The following CIMIP2A variants were observed in gnomAD, a reference collection of about 807,000 sequenced individuals.
The protein encoded by CIMIP2A is ciliary microtubule inner protein 2A, also known as family with sequence similarity 166 member A.
chr9:137,254,997 C>T, the CIMIP2A span, among the ~76,000 whole-genome samples: 1 of 152,238 alleles, frequency 6.6e-6, no homozygotes, highest in Non-Finnish European at 1.5e-5. Flanking sequence ...GAGCTCAACC[C>T]CCGGCAAAAC....
chr9:137,252,481 G>A, the CIMIP2A span: 29 of 1,596,706 alleles, frequency 1.8e-5, no homozygotes, highest in Admixed American at 8.5e-5. Flanking sequence ...GTTCCAGAGC[G>A]AAAGCCCCTT....
the CIMIP2A span, chr9:137,251,298 T>C: frequency 1.2e-6 from 2 of 1,612,096 alleles, no homozygotes; most frequent in Admixed American, 1.7e-5. Flanking sequence ...TGATGAATTC[T>C]GACCAGAAGG....
the CIMIP2A span, chr9:137,247,780 G>A: frequency 2.0e-6 from 3 of 1,520,072 alleles, no homozygotes; most frequent in South Asian, 3.4e-5. Context: ...TCCCTGAGGG[G>A]AGTCCTGTCA....
chr9:137,253,200 A>C, the CIMIP2A span: 1 of 1,609,346 alleles, frequency 6.2e-7, no homozygotes, highest in South Asian at 1.1e-5. Flanking sequence ...TCCAGGGTGT[A>C]CGCAGACCCA....
At chr9:137,251,667 G>A in the CIMIP2A span, 4 of 1,510,100 alleles carry the variant, frequency 2.6e-6, no homozygotes, top group Non-Finnish European at 3.6e-6. Flanking sequence ...GACAATAGAG[G>A]GGACAGGCTG....
At chr9:137,244,923 G>A in the CIMIP2A span, 2 of 1,597,954 alleles carry the variant, frequency 1.3e-6, no homozygotes, top group African/African-American at 1.3e-5. Flanking sequence ...GGGAAAAGCT[G>A]GGCTCCTGGA....
chr9:137,245,932 T>C, the CIMIP2A span: 6 of 1,212,378 alleles, frequency 4.9e-6, no homozygotes, highest in Non-Finnish European at 6.6e-6. Flanking sequence ...AAGCCAGATG[T>C]GGATTCAGCC....
chr9:137,251,529 A>G, the CIMIP2A span: 17 of 951,544 alleles, frequency 1.8e-5, no homozygotes, highest in Non-Finnish European at 2.7e-5. Flanking sequence ...GCTGTGGGGC[A>G]GGCGGCTGGG....
chr9:137,246,267 G>A, the CIMIP2A span, among the ~76,000 whole-genome samples: 1 of 152,242 alleles, frequency 6.6e-6, no homozygotes, highest in Non-Finnish European at 1.5e-5. Flanking sequence ...CCAGGAGGGT[G>A]TTGCGTGGGC....
At chr9:137,247,008 G>A in the CIMIP2A span, among the ~76,000 whole-genome samples, 4 of 152,052 alleles carry the variant, frequency 2.6e-5, no homozygotes, top group African/African-American at 4.8e-5. Flanking sequence ...AGTCCTGGCC[G>A]GGCGTGGTGG....
At chr9:137,252,019 TG>T in the CIMIP2A span, 1 of 1,612,274 alleles carries the variant, frequency 6.2e-7, no homozygotes, top group Middle Eastern at 1.7e-4. Flanking sequence ...CAACGCCCCC[TG>T]ATCACAGCTG....
the CIMIP2A span, chr9:137,247,920 T>G: frequency 5.0e-6 from 3 of 599,630 alleles, no homozygotes; most frequent in East Asian, 2.9e-5. Flanking sequence ...AGGGGAGGAG[T>G]TGCGGTGAGG....
the CIMIP2A span, chr9:137,252,758 C>T: frequency 1.3e-6 from 2 of 1,560,714 alleles, no homozygotes; most frequent in South Asian, 2.4e-5. Context: ...ACCTGAAGGC[C>T]ACACCCACCT....
At chr9:137,252,596 AG>A in the CIMIP2A span, 1 of 1,052,352 alleles carries the variant, frequency 9.5e-7, no homozygotes, top group Non-Finnish European at 1.3e-6. Flanking sequence ...GTGGGGCCAA[AG>A]GGGGGCTGGC....
the CIMIP2A span, chr9:137,245,808 G>A: frequency 7.2e-6 from 11 of 1,518,698 alleles, no homozygotes; most frequent in Admixed American, 2.0e-4. Context: ...TACGCCCATA[G>A]GTGTTCCCCA....
the CIMIP2A span, chr9:137,244,932 G>A: frequency 1.2e-6 from 2 of 1,600,130 alleles, no homozygotes; most frequent in Non-Finnish European, 1.7e-6. Flanking sequence ...TGGGCTCCTG[G>A]AAGCAGCTGG....
chr9:137,252,685 G>A, the CIMIP2A span: 1 of 1,550,076 alleles, frequency 6.5e-7, no homozygotes, highest in Non-Finnish European at 8.7e-7. Flanking sequence ...CCCACTACCA[G>A]CTGCTCAGCC....
chr9:137,244,377 C>A, the CIMIP2A span: 1 of 1,593,682 alleles, frequency 6.3e-7, no homozygotes. Flanking sequence ...GCCGGAGGGC[C>A]GGCACTCCGT....
At chr9:137,246,167 G>T in the CIMIP2A span, among the ~76,000 whole-genome samples, 1 of 152,252 alleles carries the variant, frequency 6.6e-6, no homozygotes, top group African/African-American at 2.4e-5. Flanking sequence ...CAAATCAGGG[G>T]TGCTCTGCCC....
Sources: allele counts gnomAD v4.1 joint callset (sites outside exome capture counted in the v4.1 genomes callset), GRCh38; gene constraint gnomAD v4.1.1; transcripts MANE v1.5; gene names NCBI Gene and HGNC (gene_info 2026-07-23, HGNC 2026-07-21).